The following SMYD3 variants were observed in gnomAD, a reference collection of about 807,000 sequenced individuals.
SMYD3 encodes histone-lysine N-methyltransferase SMYD3.
In SMYD3, 36 loss-of-function variants were observed where a neutral mutation model predicts 57.7. That is an observed-to-expected ratio of 0.62 (90% CI 0.48 to 0.82). The LOEUF is 0.82. Among genes scored for constraint, SMYD3 ranks in the 40% least tolerant of loss-of-function variants. SMYD3 has a pLI of 0.00. For synonymous variants in SMYD3, 211 were observed against 195.0 expected (o/e 1.08, Z -0.68); for missense variants, 515 against 538.8 (o/e 0.96, Z 0.44).
intron 5 of SMYD3, among the ~76,000 whole-genome samples, chr1:246,186,558 G>A (rs1197088067): frequency 2.0e-5 from 3 of 152,014 alleles, no homozygotes; most frequent in Non-Finnish European, 2.9e-5. Flanking sequence ...CACGGTGGGT[G>A]AATTCAAAAA....
chr1:245,757,246 T>A (rs2045644796), intron 11 of SMYD3, among the ~76,000 whole-genome samples: 1 of 152,142 alleles, frequency 6.6e-6, no homozygotes. Flanking sequence ...TATTTGTTCT[T>A]CTCTGTCAGG....
intron 10 of SMYD3, 49 bp from the exon 11 acceptor site, chr1:245,764,198 G>A (rs2045973955): frequency 7.7e-7 from 1 of 1,293,576 alleles, no homozygotes; most frequent in Non-Finnish European, 1.1e-6. Context: ...CACCTTTGCA[G>A]TCAGCATTTC....
intron 5 of SMYD3, among the ~76,000 whole-genome samples, chr1:246,152,259 T>C (rs4654091): frequency 0.84 from 128,092 of 152,158 alleles, 54,484 homozygotes; most frequent in Admixed American, 0.88. Flanking sequence ...GGGATGACGA[T>C]GTAGAGAAGT....
chr1:245,819,280 G>A lies in SMYD3; in HGVS notation c.1076+39216C>T, dbSNP rs1052470326. Among the ~76,000 whole-genome samples the A allele has an allele frequency of 3.6e-5, 5 of 138,600 alleles. No homozygotes were observed. In the Admixed American group the frequency reaches 3.7e-4, roughly 10 times the overall value. The allele number at this position is 138,600 out of a possible 152,430, so 90.9% of individuals were successfully genotyped here. A position where few individuals can be genotyped will look rare whatever the true frequency, so the allele number is the denominator to read the frequency against. On this transcript the variant is annotated intron_variant, in intron 10 of 11. Coordinates refer to ENST00000490107, the MANE Select transcript of SMYD3 (RefSeq NM_001167740.2). ...CAACTACATGGAAACTGAACAACCT[G>A]CTCCTGAATGACTACTGGATACATA... is the stretch of plus-strand genomic sequence containing the variant.
At chr1:245,860,064 C>T (rs574384662) in intron 9 of SMYD3, among the ~76,000 whole-genome samples, 1 of 152,312 alleles carries the variant, frequency 6.6e-6, no homozygotes, top group Non-Finnish European at 1.5e-5. Flanking sequence ...GCATTAGTGC[C>T]TTCCACCTTC....
At chr1:246,184,842 T>C (rs12116808) in intron 5 of SMYD3, among the ~76,000 whole-genome samples, 46,309 of 152,034 alleles carry the variant, frequency 0.3, 8,409 homozygotes, top group African/African-American at 0.49. Context: ...CTTCTAGTGT[T>C]GAGAACTGTG....
chr1:246,292,759 C>T (rs1013962538), intron 5 of SMYD3, among the ~76,000 whole-genome samples: 5 of 151,986 alleles, frequency 3.3e-5, no homozygotes, highest in African/African-American at 1.2e-4. Context: ...CATTTGGGGG[C>T]AAAAGAGTCA....
intron 2 of SMYD3, among the ~76,000 whole-genome samples, chr1:246,339,879 G>A (rs981800184): frequency 6.6e-6 from 1 of 152,180 alleles, no homozygotes; most frequent in Admixed American, 6.5e-5. Context: ...ATGCTAGGAT[G>A]CAGCAAGAAG....
At chr1:245,996,327 G>C (rs1382532858) in intron 5 of SMYD3, among the ~76,000 whole-genome samples, 1 of 152,210 alleles carries the variant, frequency 6.6e-6, no homozygotes, top group Non-Finnish European at 1.5e-5. Flanking sequence ...CTAGACTCTT[G>C]AGATCAATGG....
chr1:245,913,560 C>G (rs776834606), intron 8 of SMYD3, among the ~76,000 whole-genome samples: 28 of 148,492 alleles, frequency 1.9e-4, no homozygotes, highest in Non-Finnish European at 3.6e-4. Flanking sequence ...GAACATTGGT[C>G]TAGGCAAAGA....
At chr1:246,381,923 C>T (rs535475968) in intron 1 of SMYD3, among the ~76,000 whole-genome samples, 1 of 145,516 alleles carries the variant, frequency 6.9e-6, no homozygotes, top group East Asian at 2.0e-4. Flanking sequence ...ACCGCGGGCT[C>T]CAGGTCAGTT....
intron 1 of SMYD3, among the ~76,000 whole-genome samples, chr1:246,411,628 T>G (rs1353510813): frequency 6.6e-6 from 1 of 152,080 alleles, no homozygotes; most frequent in Non-Finnish European, 1.5e-5. Flanking sequence ...ATATACACCA[T>G]GGAATACTAT....
intron 10 of SMYD3, among the ~76,000 whole-genome samples, chr1:245,829,765 G>C (rs1326545195): frequency 6.6e-6 from 1 of 152,130 alleles, no homozygotes; most frequent in Non-Finnish European, 1.5e-5. Flanking sequence ...AGATAAATAT[G>C]CAACATTCAT....
chr1:246,215,974 G>A (rs889558009), intron 5 of SMYD3, among the ~76,000 whole-genome samples: 2 of 152,034 alleles, frequency 1.3e-5, no homozygotes, highest in African/African-American at 4.8e-5. Context: ...GCGAAAGATG[G>A]AGCACTCTGG....
chr1:246,059,036 G>A (rs1015027268), intron 5 of SMYD3, among the ~76,000 whole-genome samples: 9 of 152,106 alleles, frequency 5.9e-5, no homozygotes, highest in East Asian at 3.9e-4. Flanking sequence ...CACCATGCCC[G>A]GCTAAATTTT....
At chr1:245,750,711 G>A (rs1428106590) in intron 11 of SMYD3, among the ~76,000 whole-genome samples, 1 of 95,304 alleles carries the variant, frequency 1.0e-5, no homozygotes, top group African/African-American at 4.0e-5. Flanking sequence ...ATCCTGCCCT[G>A]CCCAAATGGG....
chr1:246,446,001 TCA>T (rs2067546735), intron 1 of SMYD3, among the ~76,000 whole-genome samples: 1 of 152,168 alleles, frequency 6.6e-6, no homozygotes, highest in African/African-American at 2.4e-5. Flanking sequence ...TCATGCAAAA[TCA>T]CACAGTTAAT....
intron 5 of SMYD3, among the ~76,000 whole-genome samples, chr1:246,248,929 T>G (rs956531911): frequency 2.6e-5 from 4 of 151,086 alleles, no homozygotes; most frequent in African/African-American, 9.7e-5. Flanking sequence ...GTGCTGGGAT[T>G]ACAGGCATGA....
At chr1:246,101,064 GTTTTTTGTTTTTTTTTTTTT>G (rs1464086588) in intron 5 of SMYD3, among the ~76,000 whole-genome samples, 11 of 78,564 alleles carry the variant, frequency 1.4e-4, no homozygotes, top group Non-Finnish European at 2.5e-4. Context: ...ATTTTTAGGG[GTTTTTTGTTTTTTTTTTTTT>G]TTTTTTTTTT....
Sources: allele counts gnomAD v4.1 joint callset (sites outside exome capture counted in the v4.1 genomes callset), GRCh38; gene constraint gnomAD v4.1.1; transcripts MANE v1.5; gene names NCBI Gene and HGNC (gene_info 2026-07-23, HGNC 2026-07-21).